The following ADAMTS17 variants were observed in gnomAD, a reference collection of about 807,000 sequenced individuals.
ADAMTS17 encodes A disintegrin and metalloproteinase with thrombospondin motifs 17.
ADAMTS17 carries 113 observed loss-of-function variants against 141.5 expected under a neutral mutation model. The observed-to-expected ratio is 0.80, with a 90% CI of 0.69 to 0.93. The LOEUF (loss-of-function observed/expected upper bound fraction) is 0.93. Among genes scored for constraint, ADAMTS17 ranks in the 40% least tolerant of loss-of-function variants. The pLI is 0.00. For missense variants in ADAMTS17, 1,659 were observed against 1,517.9 expected (o/e 1.09, Z -1.54); for synonymous variants, 768 against 630.6 (o/e 1.22, Z -3.27).
Position 100,147,381 on chromosome 15 carries a change from T to A in ADAMTS17, c.1473+5231A>T, listed in dbSNP as rs1360025157. ...AGGCAGACCTTTCATTGTGTAAACA[T>A]CATAGAGTGCACAAACCTAGACGGC... On this transcript the variant is annotated intron_variant, in intron 10 of 21. Transcript: ENST00000268070. Among the ~76,000 whole-genome samples the A allele has an allele frequency of 3.3e-5, 5 of 152,120 alleles. No individual in the cohort carries two copies. In the East Asian group the frequency reaches 7.7e-4, roughly 23 times the overall value.
At chr15:100,153,676 T>C (rs1413287835) in intron 9 of ADAMTS17, among the ~76,000 whole-genome samples, 1 of 152,028 alleles carries the variant, frequency 6.6e-6, no homozygotes, top group Non-Finnish European at 1.5e-5. Flanking sequence ...GAACTGGGGA[T>C]TGCGAGGCTC....
intron 10 of ADAMTS17, among the ~76,000 whole-genome samples, chr15:100,144,943 A>G (rs2038830878): frequency 6.6e-6 from 1 of 152,116 alleles, no homozygotes; most frequent in African/African-American, 2.4e-5. Context: ...AACATAATCT[A>G]CCCAGTTTCT....
chr15:100,067,897 AAGTGGGTGCAGGAC>A (rs1340996964), intron 15 of ADAMTS17, among the ~76,000 whole-genome samples: 1 of 152,140 alleles, frequency 6.6e-6, no homozygotes, highest in African/African-American at 2.4e-5. Context: ...GAGTGTCGGA[AAGTGGGTGCAGGAC>A]AGTGGGTGCA....
At position 100,116,444 on chromosome 15, in the gene ADAMTS17, C is replaced by T. The variant is rs190379823; in HGVS notation, c.1888+403G>A. On this transcript the variant is annotated intron_variant, in intron 13 of 21. Transcript: ENST00000268070. ...CCAATTCAAAATAAACCAAGAGAAG[C>T]AATACAGGGATCATCCACATTGGAA... Among the ~76,000 whole-genome samples, 332 of 152,334 alleles carry T rather than the reference C, an allele frequency of 2.2e-3. 2 individuals are homozygous for T. Among genetic ancestry groups the T allele is most frequent in the African/African-American group, 7.6e-3 (315 of 41,574 alleles).
chr15:100,030,695 CT>C (rs2030068132), intron 18 of ADAMTS17, among the ~76,000 whole-genome samples: 1 of 152,162 alleles, frequency 6.6e-6, no homozygotes, highest in East Asian at 1.9e-4. Flanking sequence ...CCACTCAAGA[CT>C]TTTCTGCTGT....
intron 7 of ADAMTS17, among the ~76,000 whole-genome samples, chr15:100,217,723 C>T (rs139348416): frequency 5.9e-5 from 9 of 152,238 alleles, no homozygotes; most frequent in African/African-American, 1.4e-4. Context: ...TTTTATGCTT[C>T]GGAAGATACC....
rs986229020 is a variant in ADAMTS17 at position 100,341,900 on chromosome 15, G to A, written c.-1C>T. On this transcript the variant is annotated 5_prime_UTR_variant, in exon 1 of 22. Transcript: ENST00000268070. ...GAGGCAGCAGGGCGCCGTCACACAT[G>A]GTACCCGGGACCGGCAGCCCCCCCG... 1.9e-6 allele frequency: 3 copies of A among 1,548,316 alleles called. No individual in the cohort carries two copies. The highest frequency in any genetic ancestry group is 1.2e-5 in the South Asian group (1 of 84,020).
intron 7 of ADAMTS17, among the ~76,000 whole-genome samples, chr15:100,226,053 C>T (rs2042301831): frequency 6.6e-6 from 1 of 151,614 alleles, no homozygotes; most frequent in South Asian, 2.1e-4. Flanking sequence ...CCATTCAGTC[C>T]TTACAGCAGT....
intron 6 of ADAMTS17, among the ~76,000 whole-genome samples, chr15:100,254,769 T>C (rs2043269105): frequency 6.6e-6 from 1 of 152,184 alleles, no homozygotes; most frequent in Non-Finnish European, 1.5e-5. Flanking sequence ...CCACATGTCC[T>C]CACTTGTAAG....
intron 8 of ADAMTS17, among the ~76,000 whole-genome samples, chr15:100,160,445 TCTC>T (rs760676342): frequency 1.3e-5 from 2 of 152,110 alleles, no homozygotes; most frequent in Admixed American, 6.5e-5. Context: ...GGGAGGATGG[TCTC>T]CTCATTTATG....
chr15:100,230,253 T>C (rs1018929232), intron 7 of ADAMTS17, among the ~76,000 whole-genome samples: 2 of 152,252 alleles, frequency 1.3e-5, no homozygotes, highest in African/African-American at 2.4e-5. Context: ...TGCAGACCCC[T>C]ATCTTTGTGG....
chr15:100,006,848 G>A (rs1005252067), intron 18 of ADAMTS17, among the ~76,000 whole-genome samples: 2 of 152,224 alleles, frequency 1.3e-5, no homozygotes, highest in Admixed American at 6.5e-5. Flanking sequence ...AGGGCATCAA[G>A]AAGTCAATCA....
At chr15:100,169,531 T>G (rs2040079712) in intron 8 of ADAMTS17, among the ~76,000 whole-genome samples, 1 of 152,162 alleles carries the variant, frequency 6.6e-6, no homozygotes, top group South Asian at 2.1e-4. Flanking sequence ...CCAGGAGAAG[T>G]TGGGAAGCTT....
intron 7 of ADAMTS17, among the ~76,000 whole-genome samples, chr15:100,209,558 C>T (rs35720439): frequency 0.33 from 50,810 of 151,680 alleles, 8,769 homozygotes; most frequent in South Asian, 0.5. Flanking sequence ...GGACAATCTC[C>T]GCCTTTGCTG....
chr15:100,155,366 C>A (rs373801184), intron 8 of ADAMTS17, 46 bp from the exon 9 acceptor site: 46 of 1,596,464 alleles, frequency 2.9e-5, no homozygotes, highest in Non-Finnish European at 9.4e-6. Context: ...ACAAGCTTCT[C>A]ATTTCCAGTT....
intron 12 of ADAMTS17, among the ~76,000 whole-genome samples, chr15:100,125,146 T>C (rs1264267341): frequency 6.6e-6 from 1 of 152,218 alleles, no homozygotes; most frequent in Non-Finnish European, 1.5e-5. Flanking sequence ...TGGCGGCCCC[T>C]GGCTCTGTGA....
At chr15:100,133,187 T>A in intron 11 of ADAMTS17, 27 bp downstream of exon 11, 1 of 1,557,946 alleles carries the variant, frequency 6.4e-7, no homozygotes, top group Non-Finnish European at 8.7e-7. Context: ...AGCTGCCTGT[T>A]GGGGGCAGTG....
intron 10 of ADAMTS17, among the ~76,000 whole-genome samples, chr15:100,137,678 G>C (rs188594226): frequency 6.6e-6 from 1 of 152,262 alleles, no homozygotes; most frequent in Admixed American, 6.5e-5. Flanking sequence ...GGAAATATTC[G>C]AGGAAGCAAA....
intron 7 of ADAMTS17, among the ~76,000 whole-genome samples, chr15:100,213,206 A>G (rs533098423): frequency 6.6e-6 from 1 of 152,292 alleles, no homozygotes; most frequent in South Asian, 2.1e-4. Context: ...TTGAACATGA[A>G]TTGAACATCC....
Sources: gnomAD v4.1 joint callset for allele counts (sites outside exome capture counted in the v4.1 genomes callset) on GRCh38, gnomAD v4.1.1 for gene constraint, MANE v1.5 for transcripts, NCBI Gene and HGNC (gene_info 2026-07-23, HGNC 2026-07-21) for gene names.